Variants in IL4R observed in about 807,000 individuals in gnomAD.
The protein encoded by IL4R is interleukin 4 receptor.
IL4R carries 17 observed loss-of-function variants against 41.5 expected under a neutral mutation model. That is an observed-to-expected ratio of 0.41 (90% confidence interval 0.28 to 0.61). The LOEUF is 0.61. IL4R is among the 20% of genes least tolerant of loss of function. The pLI is 0.31. For missense variants in IL4R, 974 were observed against 1,043.1 expected, an observed-to-expected ratio of 0.93 and a Z score of 0.91; for synonymous variants, 402 against 422.9, an observed-to-expected ratio of 0.95 and a Z score of 0.61.
intron 2 of IL4R, among the ~76,000 whole-genome samples, chr16:27,331,545 G>T (rs1213025382): frequency 6.6e-6 from 1 of 152,150 alleles, no homozygotes; most frequent in Admixed American, 6.6e-5. Context: ...CAGTATAGGA[G>T]GGCAGAGCTT....
intron 7 of IL4R, among the ~76,000 whole-genome samples, chr16:27,354,408 T>C (rs1190096338): frequency 3.3e-5 from 5 of 152,348 alleles, no homozygotes; most frequent in Non-Finnish European, 5.9e-5. Context: ...CGAGAGAGTG[T>C]ACCTTGTGCA....
intron 6 of IL4R, 60 bp from the exon 7 acceptor site, chr16:27,352,480 G>A: frequency 6.9e-7 from 1 of 1,447,888 alleles, no homozygotes; most frequent in East Asian, 2.3e-5. Flanking sequence ...AGCAACCAGG[G>A]TGGGCACTGG....
chr16:27,356,307 G>A (rs543377423), intron 8 of IL4R, among the ~76,000 whole-genome samples: 1 of 152,066 alleles, frequency 6.6e-6, no homozygotes, highest in Admixed American at 6.5e-5. Flanking sequence ...TGGTCAGGCT[G>A]GTCTCGAACT....
In IL4R at chr16:27,363,152, G is replaced by A; in HGVS notation, c.1800G>A (p.Glu600=). ...SAVVGLGPPG[E]AGYKAFSSLL... The stretch of plus-strand genomic sequence containing the variant: ...TGGTGGGCTTGGGTCCCCCAGGAGA[G>A]GCTGGTTACAAGGCCTTCTCAAGCC... Residue 600 remains glutamate (E), a synonymous_variant, in exon 11 of 11, where the codon GAG becomes GAA. Transcript: ENST00000395762. 6.2e-7 allele frequency: 1 copy of A among 1,613,342 alleles called. No individual in the cohort carries two copies. The highest frequency in any genetic ancestry group is 8.5e-7 in the Non-Finnish European group (1 of 1,179,604).
In IL4R at chr16:27,340,677, G is replaced by A. The variant is rs866241982; in HGVS notation, c.70+404G>A. 6.8e-4 allele frequency among the ~76,000 whole-genome samples: 103 copies of A among 152,114 alleles called. 1 individual carries two copies. The highest frequency in any genetic ancestry group is 2.0e-3 in the African/African-American group (82 of 41,432). On this transcript the variant is annotated intron_variant, in intron 3 of 10. Coordinates refer to ENST00000395762, the MANE Select transcript of IL4R (RefSeq NM_000418.4). Reference sequence around the variant, plus strand: ...GTCAAGGCTGCAGTGAACTGTGATCGCGCCACTCCACTCCAGCCTGCGTGA... The same window carrying A: ...GTCAAGGCTGCAGTGAACTGTGATCACGCCACTCCACTCCAGCCTGCGTGA...
chr16:27,314,739 A>C (rs974548561), intron 1 of IL4R, among the ~76,000 whole-genome samples: 9 of 152,192 alleles, frequency 5.9e-5, no homozygotes, highest in African/African-American at 2.2e-4. Context: ...ATCACGTTTG[A>C]GGAGCCCCCA....
chr16:27,340,238 T>A lies in IL4R; in HGVS notation c.35T>A (p.Val12Glu). The stretch of plus-strand genomic sequence containing the variant: ...CTTTGCTCTGGGCTCCTGTTCCCTG[T>A]GAGCTGCCTGGTCCTGCTGCAGGTG... ...GWLCSGLLFP[V>E]SCLVLLQVAS... Residue 12 changes from valine to glutamate, a missense_variant, in exon 3 of 11, where the codon GTG (valine) becomes GAG (glutamate). Coordinates refer to ENST00000395762, the MANE Select transcript of IL4R (RefSeq NM_000418.4). 6.2e-7 allele frequency: 1 copy of A among 1,614,028 alleles called. No individual in the cohort carries two copies. Among genetic ancestry groups the A allele is most frequent in the South Asian group, 1.1e-5 (1 of 91,040 alleles).
At chr16:27,325,853 T>C (rs1158265422) in intron 1 of IL4R, among the ~76,000 whole-genome samples, 1 of 152,106 alleles carries the variant, frequency 6.6e-6, no homozygotes, top group Non-Finnish European at 1.5e-5. Context: ...CCTCCTCTGC[T>C]AATCTGAAGT....
intron 6 of IL4R, among the ~76,000 whole-genome samples, chr16:27,350,346 C>A (rs574325781): frequency 9.9e-5 from 15 of 152,224 alleles, no homozygotes; most frequent in African/African-American, 3.6e-4. Context: ...TTTTCTCTCC[C>A]TTCCCCAGTC....
chr16:27,340,198 C>G lies in IL4R; in HGVS notation c.-6C>G, dbSNP rs371568926. ...TCTCTCTCTGCAGGTGCCTTGGCAT[C>G]TCCCAATGGGGTGGCTTTGCTCTGG... On this transcript the variant is annotated 5_prime_UTR_variant, in exon 3 of 11. The change creates a new upstream start codon in the 5' untranslated region. Coordinates refer to ENST00000395762, the MANE Select transcript of IL4R (RefSeq NM_000418.4). 24 of 1,612,976 alleles carry G rather than the reference C, an allele frequency of 1.5e-5. 1 individual carries two copies. The African/African-American group carries it at 2.8e-4, about 19-fold the overall frequency.
rs1157006650 is a variant in IL4R at position 27,352,710 on chromosome 16, G to A, written c.670+14G>A. On this transcript the variant is annotated intron_variant, in intron 7 of 10. Coordinates refer to ENST00000395762, the MANE Select transcript of IL4R (RefSeq NM_000418.4). ...AGTGGCACAACTGTGAGTATCAAGA[G>A]GCCTAAGCAATGGTAATCTCCACTC... 3.7e-6 allele frequency: 6 copies of A among 1,612,614 alleles called. No homozygotes were observed. Among genetic ancestry groups the A allele is most frequent in the South Asian group, 1.1e-5 (1 of 91,032 alleles).
Position 27,358,819 on chromosome 16 carries a change from A to G in IL4R, c.771-97A>G, listed in dbSNP as rs181183645. The G allele has an allele frequency of 1.5e-4, 128 of 879,240 alleles. No individual in the cohort carries two copies. In the East Asian group the frequency reaches 3.1e-3, roughly 22 times the overall value. The allele number at this position is 879,240 out of a possible 1,614,324, so 54.5% of individuals were successfully genotyped here. A position where few individuals can be genotyped will look rare whatever the true frequency, so the allele number is the denominator to read the frequency against. On this transcript the variant is annotated intron_variant, in intron 8 of 10. Transcript: ENST00000395762. ...CAGAAACTAATCAGCCTGATCTCTG[A>G]TGCCAAATAAGTATTGGTGATAACG...
rs536580672 is a variant in IL4R at position 27,319,903 on chromosome 16, C to G, written c.-152+5883C>G. 2.6e-5 allele frequency among the ~76,000 whole-genome samples: 4 copies of G among 152,038 alleles called. No individual in the cohort carries two copies. The South Asian group carries it at 8.3e-4, about 31-fold the overall frequency. On this transcript the variant is annotated intron_variant, in intron 1 of 10. Coordinates refer to ENST00000395762, the MANE Select transcript of IL4R (RefSeq NM_000418.4). ...TTTTTTTTTAAGACGGAGTTTCGCT[C>G]TTGTCGCCCAGACTGGAGTGCAATG...
intron 4 of IL4R, among the ~76,000 whole-genome samples, chr16:27,343,617 C>T (rs752589523): frequency 3.3e-5 from 5 of 151,928 alleles, no homozygotes; most frequent in African/African-American, 7.3e-5. Flanking sequence ...TAGTAGAGAC[C>T]GGTTTTCATC....
chr16:27,313,864 A>C, upstream of IL4R: 1 of 957,862 alleles, frequency 1.0e-6, no homozygotes, highest in Non-Finnish European at 1.2e-6. Flanking sequence ...GGCGCATGCA[A>C]ATCTGCCGGG....
Position 27,344,855 on chromosome 16 carries a change from C to G in IL4R, c.210-14C>G, listed in dbSNP as rs2085580814. 3.1e-6 allele frequency: 5 copies of G among 1,613,826 alleles called. No homozygotes were observed. Among genetic ancestry groups the G allele is most frequent in the Non-Finnish European group, 3.4e-6 (4 of 1,179,868 alleles). ...CTACAGGTGACCAGCCTAACCCAGC[C>G]CCTGTGTCTGCAGAGCCCACACGTG... On this transcript the variant is annotated splice_polypyrimidine_tract_variant and intron_variant, in intron 4 of 10. Transcript: ENST00000395762.
chr16:27,364,132 T>A lies in IL4R; in HGVS notation c.*302T>A. ...TTGGGCACCTCGACTTGTGAACGAG[T>A]TGTTGGCTGCTCCCTCCACAGCTTC... is the stretch of plus-strand genomic sequence containing the variant. On this transcript the variant is annotated 3_prime_UTR_variant, in exon 11 of 11. Coordinates refer to ENST00000395762, the MANE Select transcript of IL4R (RefSeq NM_000418.4). 1 of 355,308 alleles carries A rather than the reference T, an allele frequency of 2.8e-6. No individual in the cohort carries two copies. The highest frequency in any genetic ancestry group is 5.1e-6 in the Non-Finnish European group (1 of 194,250). 22.0% of individuals were successfully genotyped at this position (355,308 alleles called of 1,614,324 possible).
chr16:27,336,786 G>C (rs2085273152), intron 2 of IL4R, among the ~76,000 whole-genome samples: 1 of 149,866 alleles, frequency 6.7e-6, no homozygotes, highest in Admixed American at 6.7e-5. Flanking sequence ...TGTTTAAGAA[G>C]TGCAGGTGGC....
At chr16:27,354,689 G>C (rs1468356727) in intron 7 of IL4R, among the ~76,000 whole-genome samples, 2 of 152,242 alleles carry the variant, frequency 1.3e-5, no homozygotes, top group African/African-American at 2.4e-5. Context: ...CTGTATAATG[G>C]GAGGAGTAAG....
Sources: gnomAD v4.1 joint callset for allele counts (sites outside exome capture counted in the v4.1 genomes callset) on GRCh38, gnomAD v4.1.1 for gene constraint, MANE v1.5 for transcripts, NCBI Gene and HGNC (gene_info 2026-07-23, HGNC 2026-07-21) for gene names.